CRADD: variants seen among roughly 807,000 people sequenced by gnomAD.
CRADD encodes death domain-containing protein CRADD.
In CRADD, 9 loss-of-function variants were observed where a neutral mutation model predicts 15.5. The observed-to-expected ratio is 0.58, with a 90% confidence interval of 0.35 to 1.01. The LOEUF (loss-of-function observed/expected upper bound fraction) is 1.01, where lower values mean the gene tolerates loss of function less well. Ranked by LOEUF, CRADD falls within the 50% of genes least tolerant of loss-of-function variation. CRADD has a pLI of 0.02. For missense variants in CRADD, 227 were observed against 250.3 expected (o/e 0.91, Z 0.63); for synonymous variants, 118 against 107.6 (o/e 1.10, Z -0.60).
At chr12:93,787,130 T>A (rs1165128390) in intron 2 of CRADD, among the ~76,000 whole-genome samples, 2 of 32,286 alleles carry the variant, frequency 6.2e-5, no homozygotes, top group African/African-American at 2.9e-4. Flanking sequence ...TGCTGAAGAT[T>A]TTTTTTTTTT....
chr12:93,853,164 T>C (rs1958242663), downstream of CRADD, among the ~76,000 whole-genome samples: 1 of 152,208 alleles, frequency 6.6e-6, no homozygotes, highest in Non-Finnish European at 1.5e-5. Context: ...TTTTTGTCGA[T>C]GTGGGACTAT....
chr12:93,782,502 C>A (rs1246332117), intron 2 of CRADD, among the ~76,000 whole-genome samples: 2 of 148,236 alleles, frequency 1.3e-5, no homozygotes, highest in East Asian at 2.0e-4. Flanking sequence ...TTAAAAAAAA[C>A]AAAAAGACTT....
intron 2 of CRADD, among the ~76,000 whole-genome samples, chr12:93,806,318 G>T (rs1273582405): frequency 6.6e-6 from 1 of 151,790 alleles, no homozygotes; most frequent in Non-Finnish European, 1.5e-5. Flanking sequence ...TGGGCTTGGT[G>T]GCGCATGCCT....
rs1956622849 is a variant in CRADD, at chr12:93,738,672, C to T, written c.298+59600C>T. The T allele has an allele frequency of 7.9e-6, 4 of 508,644 alleles. 1 individual carries two copies. In the South Asian group the frequency reaches 1.3e-4, roughly 16 times the overall value. 31.5% of individuals were successfully genotyped at this position (508,644 alleles called of 1,614,324 possible). On this transcript the variant is annotated intron_variant, in intron 2 of 2. Transcript: ENST00000332896. ...TTCTTTTTTGTGCGTAAAGTGTCAA[C>T]CTCCTGTTTTATTCTCATAAATAAT...
chr12:93,797,392 C>A (rs757610222), intron 2 of CRADD, among the ~76,000 whole-genome samples: 1 of 152,094 alleles, frequency 6.6e-6, no homozygotes, highest in Non-Finnish European at 1.5e-5. Flanking sequence ...CTTGGAGATG[C>A]GTTCATTCAC....
intron 2 of CRADD, among the ~76,000 whole-genome samples, chr12:93,891,823 C>T (rs1403102646): frequency 6.6e-6 from 1 of 152,234 alleles, no homozygotes; most frequent in Admixed American, 6.5e-5. Context: ...TCTCACCACA[C>T]TGCCTGTCCC....
intron 2 of CRADD, among the ~76,000 whole-genome samples, chr12:93,734,910 C>T (rs960297271): frequency 3.9e-5 from 6 of 152,256 alleles, no homozygotes; most frequent in Admixed American, 3.9e-4. Context: ...GGAGGCCTTC[C>T]TCATCCCCCT....
chr12:93,864,807 C>A (rs1409795280), intron 2 of CRADD, among the ~76,000 whole-genome samples: 2 of 152,202 alleles, frequency 1.3e-5, no homozygotes, highest in Non-Finnish European at 2.9e-5. Flanking sequence ...GTCAAAAAAT[C>A]TTACACATGT....
At chr12:93,813,384 G>C (rs1025397815) in intron 2 of CRADD, among the ~76,000 whole-genome samples, 8 of 152,218 alleles carry the variant, frequency 5.3e-5, no homozygotes, top group African/African-American at 1.9e-4. Flanking sequence ...CTTCTTTCTT[G>C]GCAGCTTTTC....
chr12:93,695,920 G>A (rs949232567), intron 2 of CRADD, among the ~76,000 whole-genome samples: 3 of 152,022 alleles, frequency 2.0e-5, no homozygotes, highest in African/African-American at 7.3e-5. Context: ...ATAAATAAAT[G>A]GGCAAAGGAT....
At chr12:93,771,324 C>T (rs1248292464) in intron 2 of CRADD, among the ~76,000 whole-genome samples, 2 of 152,180 alleles carry the variant, frequency 1.3e-5, no homozygotes, top group African/African-American at 4.8e-5. Context: ...CTCTTGTGAA[C>T]CTGGAGAATA....
At chr12:93,798,406 G>A (rs548003207) in intron 2 of CRADD, among the ~76,000 whole-genome samples, 1 of 152,076 alleles carries the variant, frequency 6.6e-6, no homozygotes, top group Non-Finnish European at 1.5e-5. Flanking sequence ...AGTCATAATT[G>A]CACCTTTGTC....
At chr12:93,713,438 G>A (rs933344902) in intron 2 of CRADD, among the ~76,000 whole-genome samples, 1 of 151,910 alleles carries the variant, frequency 6.6e-6, no homozygotes, top group African/African-American at 2.4e-5. Flanking sequence ...TTGGTTCCAG[G>A]ACCCCCTGCA....
intron 2 of CRADD, among the ~76,000 whole-genome samples, chr12:93,714,184 A>T (rs993653343): frequency 1.6e-4 from 24 of 152,264 alleles, no homozygotes; most frequent in Non-Finnish European, 3.2e-4. Context: ...GTCACTATAC[A>T]TAATTCAAGA....
rs1369133535 is a variant in CRADD, at chr12:93,811,238, C to T, written c.299-38732C>T. 2.0e-5 allele frequency among the ~76,000 whole-genome samples: 3 copies of T among 152,248 alleles called. No homozygotes were observed. In the East Asian group the frequency reaches 5.8e-4, roughly 29 times the overall value. On this transcript the variant is annotated intron_variant, in intron 2 of 2. Transcript: ENST00000332896. ...CAGCTAGAGTTGCATTGAGGCATGA[C>T]TACTTCTAGTGCCTGCTCTGTGCCA...
Position 93,827,031 on chromosome 12 carries a change from G to C in CRADD, c.299-22939G>C, listed in dbSNP as rs1026752187. 2.0e-5 allele frequency among the ~76,000 whole-genome samples: 3 copies of C among 152,028 alleles called. No individual in the cohort carries two copies. In the South Asian group the frequency reaches 6.2e-4, roughly 32 times the overall value. On this transcript the variant is annotated intron_variant, in intron 2 of 2. Coordinates refer to ENST00000332896, the MANE Select transcript of CRADD (RefSeq NM_003805.5). ...GTGAAGTGGGGCCAGGGACAAGAAG[G>C]GGACAAAATAAACCCAAAAAAACCC...
chr12:93,702,871 T>G (rs1008833390), intron 2 of CRADD, among the ~76,000 whole-genome samples: 2 of 152,218 alleles, frequency 1.3e-5, no homozygotes, highest in Non-Finnish European at 2.9e-5. Context: ...TGGAGGCTCT[T>G]GAGAGCTGTG....
intron 2 of CRADD, among the ~76,000 whole-genome samples, chr12:93,753,927 C>T (rs1158251687): frequency 2.0e-5 from 3 of 152,202 alleles, no homozygotes; most frequent in Non-Finnish European, 4.4e-5. Context: ...TAGGAAGTGC[C>T]CCAGTGGGAA....
chr12:93,865,530 T>G (rs1267464954), intron 2 of CRADD, among the ~76,000 whole-genome samples: 1 of 152,164 alleles, frequency 6.6e-6, no homozygotes, highest in Non-Finnish European at 1.5e-5. Flanking sequence ...GGGATCCTTC[T>G]GCCTCAGCCT....
Sources: gnomAD v4.1 joint callset for allele counts (sites outside exome capture counted in the v4.1 genomes callset) on GRCh38, gnomAD v4.1.1 for gene constraint, MANE v1.5 for transcripts, NCBI Gene and HGNC (gene_info 2026-07-23, HGNC 2026-07-21) for gene names.